The following PLXNA4 variants were observed in gnomAD, a reference collection of about 807,000 sequenced individuals.
The protein encoded by PLXNA4 is plexin A4, also known as plexin-A4.
Under a neutral mutation model 191.8 loss-of-function variants are expected in PLXNA4, and 44 were observed. The observed-to-expected ratio is 0.23, with a 90% CI of 0.18 to 0.29. The LOEUF is 0.29. PLXNA4 is among the 10% of genes least tolerant of loss of function. The pLI is 1.00. For missense variants in PLXNA4, 1,800 were observed against 2,488.8 expected (o/e 0.72, Z 5.89); for synonymous variants, 1,082 against 1,009.5 (o/e 1.07, Z -1.36).
intron 3 of PLXNA4, among the ~76,000 whole-genome samples, chr7:132,486,880 C>T (rs896418939): frequency 3.3e-5 from 5 of 152,144 alleles, no homozygotes; most frequent in East Asian, 3.9e-4. Flanking sequence ...TGTCTCTGAG[C>T]GCCTTGCTGG....
At chr7:132,151,635 G>A (rs1795648298) in intron 25 of PLXNA4, among the ~76,000 whole-genome samples, 1 of 151,020 alleles carries the variant, frequency 6.6e-6, no homozygotes, top group African/African-American at 2.4e-5. Flanking sequence ...GGAGAGGAAG[G>A]AGAGGAAGAA....
At chr7:132,139,868 CA>C (rs1487845766) in intron 30 of PLXNA4, among the ~76,000 whole-genome samples, 1 of 152,200 alleles carries the variant, frequency 6.6e-6, no homozygotes, top group Non-Finnish European at 1.5e-5. Context: ...CTCCCTAGTA[CA>C]GGGCTTCTGT....
rs533384716 is a variant in PLXNA4, at chr7:132,437,949, T to C, written c.1371+51343A>G. ...AAGTGAAATTAACTTGAGCCAAGATTACGCCCATGGGTTCTGTGGAGGCCA... is the reference window on the plus strand; with the variant it reads ...AAGTGAAATTAACTTGAGCCAAGATCACGCCCATGGGTTCTGTGGAGGCCA... On this transcript the variant is annotated intron_variant, in intron 3 of 31. Transcript: ENST00000321063. Among the ~76,000 whole-genome samples, 6 of 152,176 alleles carry C rather than the reference T, an allele frequency of 3.9e-5. No homozygotes were observed. The East Asian group carries it at 1.2e-3, about 29-fold the overall frequency.
chr7:132,494,728 G>A (rs761885282), intron 2 of PLXNA4, among the ~76,000 whole-genome samples: 6 of 152,188 alleles, frequency 3.9e-5, no homozygotes, highest in African/African-American at 4.8e-5. Flanking sequence ...GAGCAGTTAC[G>A]GTTACTTTAC....
intron 3 of PLXNA4, among the ~76,000 whole-genome samples, chr7:132,394,309 G>T (rs1793657336): frequency 6.6e-6 from 1 of 152,134 alleles, no homozygotes; most frequent in Non-Finnish European, 1.5e-5. Context: ...GTCCCTAGGA[G>T]GGTCCCTCCT....
chr7:132,395,808 G>A (rs372942114), intron 3 of PLXNA4, among the ~76,000 whole-genome samples: 63 of 152,310 alleles, frequency 4.1e-4, no homozygotes, highest in East Asian at 2.9e-3. Flanking sequence ...CCCCATGGCC[G>A]GGAAACAAAT....
intron 20 of PLXNA4, among the ~76,000 whole-genome samples, chr7:132,177,228 A>G (rs1796505824): frequency 6.6e-6 from 1 of 152,070 alleles, no homozygotes; most frequent in African/African-American, 2.4e-5. Context: ...TGAGTCCATG[A>G]GTGTATGTCA....
intron 1 of PLXNA4, among the ~76,000 whole-genome samples, chr7:132,556,659 A>C (rs1800816043): frequency 6.6e-6 from 1 of 152,230 alleles, no homozygotes; most frequent in South Asian, 2.1e-4. Context: ...AAGAAAGTGA[A>C]TCAATGGTTA....
intron 3 of PLXNA4, among the ~76,000 whole-genome samples, chr7:132,381,970 TC>T (rs1804912778): frequency 6.6e-6 from 1 of 152,104 alleles, no homozygotes; most frequent in East Asian, 1.9e-4. Context: ...CATTCCAGTT[TC>T]TCTCAATCAA....
chr7:132,308,370 C>A (rs770271532), intron 3 of PLXNA4, among the ~76,000 whole-genome samples: 1 of 152,188 alleles, frequency 6.6e-6, no homozygotes, highest in Non-Finnish European at 1.5e-5. Context: ...GGCCATTTCC[C>A]ATGTGCCTCT....
At chr7:132,481,326 G>C (rs1797325930) in intron 3 of PLXNA4, among the ~76,000 whole-genome samples, 1 of 152,008 alleles carries the variant, frequency 6.6e-6, no homozygotes, top group Non-Finnish European at 1.5e-5. Context: ...CAGAGGTCCA[G>C]CCACCACCTC....
chr7:132,537,533 C>T (rs1012132244), intron 1 of PLXNA4, among the ~76,000 whole-genome samples: 3 of 152,204 alleles, frequency 2.0e-5, no homozygotes, highest in African/African-American at 4.8e-5. Context: ...GCTTTAAGGG[C>T]TTTAGCTAGG....
chr7:132,528,329 T>C (rs536701549), intron 1 of PLXNA4, among the ~76,000 whole-genome samples: 1 of 152,298 alleles, frequency 6.6e-6, no homozygotes, highest in South Asian at 2.1e-4. Context: ...TCCCGATCCA[T>C]GCTCCCCCAA....
intron 1 of PLXNA4, among the ~76,000 whole-genome samples, chr7:132,511,764 C>T (rs1193419759): frequency 6.6e-6 from 1 of 152,168 alleles, no homozygotes; most frequent in Non-Finnish European, 1.5e-5. Flanking sequence ...GATGAAGAGT[C>T]AAGATGGTTC....
intron 2 of PLXNA4, among the ~76,000 whole-genome samples, chr7:132,596,158 C>T (rs555655584): frequency 6.6e-6 from 1 of 152,230 alleles, no homozygotes; most frequent in African/African-American, 2.4e-5. Context: ...TTTTGATGAA[C>T]CCAAGCTGAT....
In PLXNA4 at chr7:132,192,725, C is replaced by T. The variant is rs555206993; in HGVS notation, c.2856+1337G>A. On this transcript the variant is annotated intron_variant, in intron 14 of 31. Coordinates refer to ENST00000321063, the MANE Select transcript of PLXNA4 (RefSeq NM_020911.2). ...TTATACCATTACAGCTGTCATTAATCTGAGAGGTTTAGTTTTTAAAATGAT... is the reference window on the plus strand; with the variant it reads ...TTATACCATTACAGCTGTCATTAATTTGAGAGGTTTAGTTTTTAAAATGAT... Among the ~76,000 whole-genome samples, 5 of 152,256 alleles carry T rather than the reference C, an allele frequency of 3.3e-5. No individual in the cohort carries two copies. In the South Asian group the frequency reaches 1.0e-3, roughly 32 times the overall value.
chr7:132,248,099 C>T (rs1019072376), intron 4 of PLXNA4, among the ~76,000 whole-genome samples: 4 of 152,314 alleles, frequency 2.6e-5, no homozygotes, highest in South Asian at 2.1e-4. Context: ...GTAGGAAACA[C>T]GAGGCAAATG....
At chr7:132,563,483 CCTCCTCCTCCTT>C (rs1801473549) in intron 1 of PLXNA4, among the ~76,000 whole-genome samples, 1 of 97,476 alleles carries the variant, frequency 1.0e-5, no homozygotes, top group Non-Finnish European at 2.1e-5. Context: ...TTCTGCTGCT[CCTCCTCCTCCTT>C]CTCCTCCTCC....
intron 30 of PLXNA4, among the ~76,000 whole-genome samples, chr7:132,135,155 A>G (rs2116515112): frequency 6.6e-6 from 1 of 152,256 alleles, no homozygotes; most frequent in South Asian, 2.1e-4. Context: ...CAAGCAAGAT[A>G]TGTTTGTCAA....
Sources: gnomAD v4.1 joint callset for allele counts (sites outside exome capture counted in the v4.1 genomes callset) on GRCh38, gnomAD v4.1.1 for gene constraint, MANE v1.5 for transcripts, NCBI Gene and HGNC (gene_info 2026-07-23, HGNC 2026-07-21) for gene names.